EYS: variants seen among roughly 807,000 people sequenced by gnomAD.
The protein encoded by EYS is EGF-like photoreceptor maintenance factor, also known as protein eyes shut homolog.
A neutral mutation model predicts 282.1 loss-of-function variants in EYS; 250 were observed. That is an observed-to-expected ratio of 0.89 (90% CI 0.80 to 0.98). The LOEUF (loss-of-function observed/expected upper bound fraction) is 0.98, where lower values mean the gene tolerates loss of function less well. Among genes scored for constraint, EYS ranks in the 50% least tolerant of loss-of-function variants. EYS has a pLI of 0.00. For missense variants in EYS, 4,016 were observed against 3,709.0 expected, an observed-to-expected ratio of 1.08 and a Z score of -2.15; for synonymous variants, 1,355 against 1,282.9, an observed-to-expected ratio of 1.06 and a Z score of -1.20.
intron 12 of EYS, among the ~76,000 whole-genome samples, chr6:65,262,930 A>G (rs1034245540): frequency 1.9e-4 from 29 of 152,104 alleles, no homozygotes; most frequent in Non-Finnish European, 5.9e-5. Flanking sequence ...TTGATATTAT[A>G]TTTTTCCAAG....
intron 4 of EYS, among the ~76,000 whole-genome samples, chr6:65,493,089 T>C (rs888779875): frequency 7.2e-5 from 11 of 152,170 alleles, no homozygotes; most frequent in African/African-American, 2.2e-4. Context: ...CTAATTTTTG[T>C]ATTTTTGTAG....
chr6:64,674,234 C>T (rs930935565), intron 22 of EYS, among the ~76,000 whole-genome samples: 30 of 152,076 alleles, frequency 2.0e-4, no homozygotes, highest in Non-Finnish European at 2.9e-4. Context: ...CCTTGGAATG[C>T]TTTACCTTTT....
intron 11 of EYS, among the ~76,000 whole-genome samples, chr6:65,334,409 A>G (rs187309962): frequency 4.9e-4 from 75 of 151,750 alleles, no homozygotes; most frequent in African/African-American, 1.7e-3. Flanking sequence ...CTAGGAGTAC[A>G]GGTGTGCACA....
At chr6:64,783,913 G>C (rs1211909733) in intron 22 of EYS, among the ~76,000 whole-genome samples, 2 of 152,024 alleles carry the variant, frequency 1.3e-5, no homozygotes, top group Non-Finnish European at 2.9e-5. Flanking sequence ...AATTATTTTA[G>C]AGACAGAAAG....
At chr6:64,922,192 A>G (rs1266059650) in intron 15 of EYS, among the ~76,000 whole-genome samples, 1 of 152,204 alleles carries the variant, frequency 6.6e-6, no homozygotes, top group African/African-American at 2.4e-5. Context: ...ACACATACAC[A>G]TGCATATGCA....
chr6:65,457,128 T>A (rs1337747482), intron 5 of EYS, among the ~76,000 whole-genome samples: 1 of 150,168 alleles, frequency 6.7e-6, no homozygotes, highest in Non-Finnish European at 1.5e-5. Context: ...TCCAAGGTTG[T>A]TTTCTCTCTT....
intron 34 of EYS, among the ~76,000 whole-genome samples, chr6:63,989,779 T>C (rs1767527429): frequency 6.6e-6 from 1 of 151,586 alleles, no homozygotes; most frequent in African/African-American, 2.4e-5. Flanking sequence ...TGGGATGTCC[T>C]TACAAGATCC....
intron 41 of EYS, among the ~76,000 whole-genome samples, chr6:63,737,332 T>C (rs1222615192): frequency 1.3e-5 from 2 of 152,178 alleles, no homozygotes; most frequent in African/African-American, 4.8e-5. Flanking sequence ...CTTTTCTGCA[T>C]CTATTGAGAT....
chr6:64,721,688 C>G (rs762973176), intron 22 of EYS, among the ~76,000 whole-genome samples: 1 of 151,962 alleles, frequency 6.6e-6, no homozygotes, highest in Non-Finnish European at 1.5e-5. Flanking sequence ...AAGAATAGCA[C>G]GATAAGCCCA....
At chr6:63,877,515 G>C (rs545884893) in intron 35 of EYS, among the ~76,000 whole-genome samples, 50 of 152,216 alleles carry the variant, frequency 3.3e-4, no homozygotes, top group African/African-American at 1.2e-3. Context: ...TGACTGTTGG[G>C]CTGCCTTGCT....
In EYS at chr6:64,340,451, A is replaced by G. The variant is rs566235061; in HGVS notation, c.6079-33369T>C. On this transcript the variant is annotated intron_variant, in intron 29 of 42. Transcript: ENST00000503581. ...AACCAACTGATTTTTAACAAGACCA[A>G]CAAAAATGAGCAATGGAGAAAGATG... Among the ~76,000 whole-genome samples the G allele has an allele frequency of 5.9e-5, 9 of 151,990 alleles. No individual in the cohort carries two copies. In the South Asian group the frequency reaches 1.9e-3, roughly 31 times the overall value.
intron 31 of EYS, among the ~76,000 whole-genome samples, chr6:64,182,101 G>C (rs1764803865): frequency 6.6e-6 from 1 of 152,030 alleles, no homozygotes; most frequent in South Asian, 2.1e-4. Flanking sequence ...CAGAATTATA[G>C]TGTGAAATAA....
At chr6:65,113,477 T>C (rs910297253) in intron 12 of EYS, among the ~76,000 whole-genome samples, 1 of 152,002 alleles carries the variant, frequency 6.6e-6, no homozygotes. Flanking sequence ...TGAGGCAAAA[T>C]TTAAAACGAG....
intron 41 of EYS, among the ~76,000 whole-genome samples, chr6:63,737,528 A>G (rs1768949940): frequency 6.6e-6 from 1 of 152,172 alleles, no homozygotes; most frequent in Non-Finnish European, 1.5e-5. Flanking sequence ...ATGTTCGTCA[A>G]GGATATTGGT....
intron 22 of EYS, among the ~76,000 whole-genome samples, chr6:64,628,087 AAAACAAAC>A (rs1027292053): frequency 5.9e-5 from 9 of 152,300 alleles, no homozygotes; most frequent in Middle Eastern, 3.4e-3. Context: ...CTCAAAAACA[AAAACAAAC>A]AAACAAACAA....
intron 32 of EYS, among the ~76,000 whole-genome samples, chr6:64,076,763 T>C (rs1308844061): frequency 4.6e-5 from 7 of 151,878 alleles, no homozygotes; most frequent in Admixed American, 2.0e-4. Context: ...TCTTTATTAG[T>C]AGTGTAAAAA....
At chr6:63,880,908 T>G (rs1438734757) in intron 35 of EYS, among the ~76,000 whole-genome samples, 2 of 152,214 alleles carry the variant, frequency 1.3e-5, no homozygotes, top group African/African-American at 4.8e-5. Context: ...ACAATGGCCA[T>G]TTCTCATCAA....
intron 33 of EYS, among the ~76,000 whole-genome samples, chr6:64,062,996 T>G (rs896549871): frequency 2.0e-5 from 3 of 152,210 alleles, no homozygotes; most frequent in African/African-American, 7.2e-5. Context: ...ACTGGAGCAT[T>G]CGATAAACTT....
intron 26 of EYS, among the ~76,000 whole-genome samples, chr6:64,568,833 C>T (rs974204413): frequency 2.0e-5 from 3 of 151,878 alleles, no homozygotes; most frequent in Admixed American, 1.3e-4. Context: ...GATACCTAGG[C>T]GAAGAGGGTC....
Sources: gnomAD v4.1 joint callset for allele counts (sites outside exome capture counted in the v4.1 genomes callset) on GRCh38, gnomAD v4.1.1 for gene constraint, MANE v1.5 for transcripts, NCBI Gene and HGNC (gene_info 2026-07-23, HGNC 2026-07-21) for gene names.